Variants in FSTL5 observed in about 807,000 individuals in gnomAD.
FSTL5 encodes the protein follistatin-related protein 5.
Under a neutral mutation model 89.1 loss-of-function variants are expected in FSTL5, and 62 were observed. The ratio of observed to expected loss-of-function variants is 0.70; its 90% confidence interval spans 0.57 to 0.86. The LOEUF (loss-of-function observed/expected upper bound fraction) is 0.86, where lower values mean the gene tolerates loss of function less well. Among genes scored for constraint, FSTL5 ranks in the 40% least tolerant of loss-of-function variants. The probability of loss-of-function intolerance (pLI) is 0.00; values close to 1 mark genes in which losing one functional copy is unlikely to be tolerated. For synonymous variants in FSTL5, 383 were observed against 346.2 expected (o/e 1.11, Z -1.18); for missense variants, 1,057 against 1,001.6 (o/e 1.06, Z -0.75).
chr4:161,811,541 G>C (rs915677115), intron 4 of FSTL5, among the ~76,000 whole-genome samples: 1 of 152,004 alleles, frequency 6.6e-6, no homozygotes, highest in African/African-American at 2.4e-5. Context: ...ATTGAGTAGG[G>C]AGTGAGTGGA....
chr4:161,588,984 C>T (rs1376879578), intron 7 of FSTL5, among the ~76,000 whole-genome samples: 2 of 150,390 alleles, frequency 1.3e-5, no homozygotes, highest in African/African-American at 4.9e-5. Flanking sequence ...GTGTAAAGAG[C>T]CCTATCCCTA....
chr4:161,934,943 A>G (rs757870316), intron 3 of FSTL5, among the ~76,000 whole-genome samples: 9 of 152,160 alleles, frequency 5.9e-5, no homozygotes, highest in Non-Finnish European at 1.2e-4. Context: ...AATACTTAAA[A>G]TGATACATTC....
chr4:161,577,050 TA>T (rs1733236176), intron 8 of FSTL5, among the ~76,000 whole-genome samples: 1 of 152,208 alleles, frequency 6.6e-6, no homozygotes, highest in African/African-American at 2.4e-5. Flanking sequence ...ATCTATATCT[TA>T]GGACAGCCAA....
At chr4:161,506,837 T>C (rs1168183527) in intron 11 of FSTL5, among the ~76,000 whole-genome samples, 1 of 152,212 alleles carries the variant, frequency 6.6e-6, no homozygotes, top group Non-Finnish European at 1.5e-5. Context: ...ACTACATTTC[T>C]ATTTGTAATT....
chr4:161,652,286 ATAGT>A (rs1321247710), intron 7 of FSTL5, among the ~76,000 whole-genome samples: 1 of 152,064 alleles, frequency 6.6e-6, no homozygotes, highest in East Asian at 1.9e-4. Context: ...AATTTAAAAA[ATAGT>A]TAGGTGCGGT....
At chr4:161,808,868 A>G (rs191881145) in intron 4 of FSTL5, among the ~76,000 whole-genome samples, 262 of 152,320 alleles carry the variant, frequency 1.7e-3, no homozygotes, top group African/African-American at 5.9e-3. Flanking sequence ...TCCTAGAAAG[A>G]CACATAAATG....
chr4:162,034,307 G>A (rs1737650529), intron 2 of FSTL5, among the ~76,000 whole-genome samples: 1 of 151,930 alleles, frequency 6.6e-6, no homozygotes, highest in African/African-American at 2.4e-5. Flanking sequence ...GCTTTCAATG[G>A]CTCTACATTA....
intron 9 of FSTL5, 24 bp downstream of exon 9, chr4:161,542,508 G>A (rs958459953): frequency 7.4e-7 from 1 of 1,355,742 alleles, no homozygotes; most frequent in Non-Finnish European, 9.7e-7. Flanking sequence ...TCATTTAAGA[G>A]AAAAAAAAGC....
intron 7 of FSTL5, among the ~76,000 whole-genome samples, chr4:161,649,527 T>A (rs1450813903): frequency 1.3e-5 from 2 of 152,154 alleles, no homozygotes; most frequent in African/African-American, 2.4e-5. Context: ...GGTATAAAAA[T>A]GATACGCAGA....
intron 6 of FSTL5, among the ~76,000 whole-genome samples, chr4:161,696,135 A>T (rs929024325): frequency 2.0e-5 from 3 of 152,174 alleles, no homozygotes; most frequent in African/African-American, 7.2e-5. Flanking sequence ...TGATTTTTGT[A>T]TAAGGTGAAT....
intron 14 of FSTL5, among the ~76,000 whole-genome samples, chr4:161,458,205 C>T (rs1337960618): frequency 6.6e-6 from 1 of 152,176 alleles, no homozygotes; most frequent in Non-Finnish European, 1.5e-5. Context: ...AGCAGAGCTG[C>T]CCAGGTAGCC....
At chr4:161,907,687 G>A (rs537002386) in intron 4 of FSTL5, among the ~76,000 whole-genome samples, 1 of 152,056 alleles carries the variant, frequency 6.6e-6, no homozygotes, top group South Asian at 2.1e-4. Flanking sequence ...CATCTCTCTA[G>A]GTTTTCAGAG....
chr4:161,978,782 G>A (rs1190583559), intron 3 of FSTL5, among the ~76,000 whole-genome samples: 3 of 151,982 alleles, frequency 2.0e-5, no homozygotes, highest in East Asian at 3.9e-4. Context: ...GTCTAGATTT[G>A]CCTATTGTTA....
At chr4:162,124,995 G>A (rs1005160942) in intron 1 of FSTL5, among the ~76,000 whole-genome samples, 1 of 152,132 alleles carries the variant, frequency 6.6e-6, no homozygotes, top group Non-Finnish European at 1.5e-5. Context: ...GAGCTACCTC[G>A]CCTGGCCTTC....
intron 3 of FSTL5, among the ~76,000 whole-genome samples, chr4:161,959,719 T>C (rs1735119542): frequency 6.6e-6 from 1 of 152,170 alleles, no homozygotes; most frequent in South Asian, 2.1e-4. Flanking sequence ...GTGTTAATAA[T>C]GTTTCTGCTC....
At chr4:161,870,129 A>G (rs1370752572) in intron 4 of FSTL5, among the ~76,000 whole-genome samples, 1 of 152,128 alleles carries the variant, frequency 6.6e-6, no homozygotes, top group Non-Finnish European at 1.5e-5. Context: ...TTTTTGAACT[A>G]TCTCCCTTGC....
At chr4:161,505,973 T>C (rs555919346) in intron 11 of FSTL5, among the ~76,000 whole-genome samples, 19 of 152,270 alleles carry the variant, frequency 1.2e-4, no homozygotes, top group Non-Finnish European at 2.5e-4. Context: ...CTCCCCCCAA[T>C]GCCATGACTA....
intron 13 of FSTL5, among the ~76,000 whole-genome samples, chr4:161,464,395 C>T (rs1733678421): frequency 6.6e-6 from 1 of 152,104 alleles, no homozygotes; most frequent in Non-Finnish European, 1.5e-5. Context: ...ACTTTCTCAG[C>T]ACGGCCAGCT....
At chr4:162,151,159 A>G (rs1733209501) in intron 1 of FSTL5, among the ~76,000 whole-genome samples, 2 of 152,316 alleles carry the variant, frequency 1.3e-5, no homozygotes, top group Admixed American at 1.3e-4. Context: ...TAGGGCATAT[A>G]TGATACTCTT....
Sources: gnomAD v4.1 joint callset for allele counts (sites outside exome capture counted in the v4.1 genomes callset) on GRCh38, gnomAD v4.1.1 for gene constraint, MANE v1.5 for transcripts, NCBI Gene and HGNC (gene_info 2026-07-23, HGNC 2026-07-21) for gene names.